Variants in CHLSN observed in about 807,000 individuals in gnomAD.
CHLSN encodes the protein protein cholesin.
At chr7:1,085,349 A>T in the CHLSN span, among the ~76,000 whole-genome samples, 1 of 152,296 alleles carries the variant, frequency 6.6e-6, no homozygotes, top group Admixed American at 6.5e-5. Context: ...TTGACCCAGG[A>T]CGCCTCTGGT....
chr7:1,028,333 G>A, the CHLSN span: 53 of 1,024,110 alleles, frequency 5.2e-5, no homozygotes, highest in African/African-American at 8.9e-4. Context: ...GCACCGCCCG[G>A]CCCGCGCCTC....
At chr7:1,116,273 C>G in the CHLSN span, among the ~76,000 whole-genome samples, 92 of 147,192 alleles carry the variant, frequency 6.3e-4, 2 homozygotes, top group African/African-American at 2.3e-3. Flanking sequence ...CGGCTTCCAT[C>G]ACCAAGGCCC....
the CHLSN span, among the ~76,000 whole-genome samples, chr7:1,068,652 C>T: frequency 6.6e-6 from 1 of 152,136 alleles, no homozygotes. Flanking sequence ...AGTCTTCCCC[C>T]CAACGCTTAG....
At chr7:1,077,149 T>C in the CHLSN span, among the ~76,000 whole-genome samples, 1 of 152,200 alleles carries the variant, frequency 6.6e-6, no homozygotes, top group African/African-American at 2.4e-5. Context: ...TTTCAGGTCC[T>C]ATTTTTATTT....
the CHLSN span, among the ~76,000 whole-genome samples, chr7:1,110,850 C>A: frequency 6.7e-6 from 1 of 148,616 alleles, no homozygotes. Context: ...AGGCAATTCA[C>A]AAAAAAAAAC....
At chr7:995,296 C>A in the CHLSN span, among the ~76,000 whole-genome samples, 1 of 152,246 alleles carries the variant, frequency 6.6e-6, no homozygotes, top group African/African-American at 2.4e-5. Context: ...CGCCAGGGAG[C>A]CCTGAGGAGC....
At chr7:1,028,342 T>C in the CHLSN span, 1 of 1,018,166 alleles carries the variant, frequency 9.8e-7, no homozygotes, top group Non-Finnish European at 1.2e-6. Context: ...GGCCCGCGCC[T>C]CCAGCAGCCT....
the CHLSN span, among the ~76,000 whole-genome samples, chr7:1,136,361 T>TAA: frequency 7.2e-5 from 4 of 55,552 alleles, no homozygotes; most frequent in Non-Finnish European, 8.9e-5. Context: ...TATATAAACA[T>TAA]ATATATAAAT....
the CHLSN span, chr7:1,057,488 G>A: frequency 3.7e-3 from 2,693 of 737,750 alleles, 11 homozygotes; most frequent in Non-Finnish European, 6.0e-3. Flanking sequence ...CCTTCTTTCC[G>A]CAGGGTCGCG....
chr7:1,075,414 C>T, the CHLSN span, among the ~76,000 whole-genome samples: 1 of 151,558 alleles, frequency 6.6e-6, no homozygotes, highest in East Asian at 2.0e-4. Flanking sequence ...ATCCCAGCTA[C>T]TGGGGAGGCT....
chr7:1,110,459 G>C, the CHLSN span, among the ~76,000 whole-genome samples: 3 of 152,218 alleles, frequency 2.0e-5, no homozygotes, highest in African/African-American at 7.2e-5. Context: ...GCTGGGAAGG[G>C]CCCCTCAGTG....
the CHLSN span, among the ~76,000 whole-genome samples, chr7:1,121,682 C>G: frequency 6.6e-6 from 1 of 152,256 alleles, no homozygotes; most frequent in Non-Finnish European, 1.5e-5. Context: ...CAGGCGGTCA[C>G]GCCAGACGGG....
At chr7:1,132,694 T>TAAAAA in the CHLSN span, among the ~76,000 whole-genome samples, 9 of 106,988 alleles carry the variant, frequency 8.4e-5, no homozygotes, top group Admixed American at 3.0e-4. Context: ...AACCTGTCTT[T>TAAAAA]AAAAAAAAAA....
the CHLSN span, among the ~76,000 whole-genome samples, chr7:1,006,149 C>T: frequency 6.6e-6 from 1 of 152,256 alleles, no homozygotes; most frequent in Admixed American, 6.5e-5. Context: ...ACCCAGAGAC[C>T]CACAGAAAGT....
chr7:1,114,427 T>C, the CHLSN span, among the ~76,000 whole-genome samples: 1 of 152,248 alleles, frequency 6.6e-6, no homozygotes, highest in Non-Finnish European at 1.5e-5. Context: ...GGAGAAGTGC[T>C]GTTTCTGCCT....
At chr7:997,879 G>A in the CHLSN span, 6 of 1,397,186 alleles carry the variant, frequency 4.3e-6, no homozygotes, top group Non-Finnish European at 5.9e-6. Flanking sequence ...ACAAGACGCT[G>A]CAGCCAAGGA....
the CHLSN span, among the ~76,000 whole-genome samples, chr7:1,037,014 G>A: frequency 6.8e-6 from 1 of 147,268 alleles, no homozygotes; most frequent in South Asian, 2.2e-4. Context: ...TGGAGGCTGA[G>A]GTGAAAGGAT....
the CHLSN span, chr7:989,095 A>T: frequency 4.9e-6 from 2 of 408,970 alleles, no homozygotes; most frequent in South Asian, 7.9e-5. Flanking sequence ...CCACTCTCCC[A>T]CCCCTGAAGC....
the CHLSN span, chr7:984,364 G>GA: frequency 2.0e-6 from 3 of 1,536,560 alleles, no homozygotes; most frequent in Non-Finnish European, 2.6e-6. Context: ...ACCTAAGGGG[G>GA]GTCTTGTGGG....
Sources: gnomAD v4.1 joint callset for allele counts (sites outside exome capture counted in the v4.1 genomes callset) on GRCh38, gnomAD v4.1.1 for gene constraint, MANE v1.5 for transcripts, NCBI Gene and HGNC (gene_info 2026-07-23, HGNC 2026-07-21) for gene names.